Variants in TSPAN8 observed in about 807,000 individuals in gnomAD.
TSPAN8 encodes the protein tetraspanin 8.
A neutral mutation model predicts 32.8 loss-of-function variants in TSPAN8; 21 were observed. That is an observed-to-expected ratio of 0.64 (90% CI 0.45 to 0.92). The LOEUF is 0.92. Among genes scored for constraint, TSPAN8 ranks in the 40% least tolerant of loss-of-function variants. The pLI, the probability that TSPAN8 is intolerant of heterozygous loss-of-function variation, is 0.00. For synonymous variants in TSPAN8, 95 were observed against 94.6 expected (o/e 1.00, Z -0.03); for missense variants, 269 against 281.9 (o/e 0.95, Z 0.33).
rs11178638 is a variant in TSPAN8 at position 71,125,978 on chromosome 12, A to C, written c.661-591T>G. ...AAGCACAGCTGAAAATCTGGGGCAT[A>C]ATTTCCATCTCAAGTAGCTCTCCCA... On this transcript the variant is annotated intron_variant, in intron 8 of 8. Coordinates refer to ENST00000247829, the MANE Select transcript of TSPAN8 (RefSeq NM_004616.3). 2.8e-3 allele frequency among the ~76,000 whole-genome samples: 425 copies of C among 152,302 alleles called. 9 individuals are homozygous for C. In the East Asian group the frequency reaches 0.053, roughly 19 times the overall value.
At chr12:71,143,394 T>C (rs1026685024) in intron 3 of TSPAN8, among the ~76,000 whole-genome samples, 1 of 152,158 alleles carries the variant, frequency 6.6e-6, no homozygotes, top group African/African-American at 2.4e-5. Flanking sequence ...ATGGAACAGA[T>C]ACCACACGTA....
chr12:71,139,066 T>C (rs1376928265), intron 4 of TSPAN8: 2 of 455,722 alleles, frequency 4.4e-6, no homozygotes, highest in East Asian at 1.4e-4. Context: ...CAATGCTCTC[T>C]AAGAGATAAT....
intron 2 of TSPAN8, among the ~76,000 whole-genome samples, chr12:71,153,771 A>G (rs1872331897): frequency 1.3e-5 from 2 of 152,154 alleles, no homozygotes. Context: ...TGCTGCCTAT[A>G]TTTGAATTTA....
chr12:71,156,672 T>C (rs1030357450), intron 2 of TSPAN8, among the ~76,000 whole-genome samples: 8 of 152,176 alleles, frequency 5.3e-5, no homozygotes, highest in African/African-American at 1.7e-4. Context: ...TAGCAACACA[T>C]AGGTATGAGA....
intron 2 of TSPAN8, among the ~76,000 whole-genome samples, chr12:71,146,720 G>C (rs967180669): frequency 6.6e-5 from 10 of 152,096 alleles, no homozygotes; most frequent in Non-Finnish European, 1.2e-4. Context: ...CAGCTTTCAT[G>C]GAACAGCCAT....
chr12:71,149,018 G>C (rs146923595), intron 2 of TSPAN8, among the ~76,000 whole-genome samples: 1 of 152,098 alleles, frequency 6.6e-6, no homozygotes, highest in South Asian at 2.1e-4. Context: ...AGTCTTCAGG[G>C]TGGCAATATC....
Position 71,129,430 on chromosome 12 carries a change from A to G in TSPAN8, c.577-16T>C. 7.2e-7 allele frequency: 1 copy of G among 1,393,544 alleles called. No homozygotes were observed. Among genetic ancestry groups the G allele is most frequent in the Non-Finnish European group, 9.8e-7 (1 of 1,017,644 alleles). The allele number at this position is 1,393,544 out of a possible 1,614,324, so 86.3% of individuals were successfully genotyped here. ...AAATACAGGTCTGTTAAAAAAAAAA[A>G]ACATTAAAAGTTACCTCTCAGAAAA... On this transcript the variant is annotated splice_polypyrimidine_tract_variant and intron_variant, in intron 7 of 8. Coordinates refer to ENST00000247829, the MANE Select transcript of TSPAN8 (RefSeq NM_004616.3).
chr12:71,151,822 C>T (rs1441094540), intron 2 of TSPAN8, among the ~76,000 whole-genome samples: 1 of 152,224 alleles, frequency 6.6e-6, no homozygotes, highest in East Asian at 1.9e-4. Context: ...TTAGAATTCT[C>T]AGGGCATTTG....
chr12:71,154,582 A>G (rs1872366396), intron 2 of TSPAN8, among the ~76,000 whole-genome samples: 1 of 152,154 alleles, frequency 6.6e-6, no homozygotes, highest in South Asian at 2.1e-4. Flanking sequence ...AGCACTTTCC[A>G]GGATGTTTTA....
Position 71,133,842 on chromosome 12 carries a change from A to G in TSPAN8, c.445-1018T>C, listed in dbSNP as rs557179778. ...TTAGATGGGAGAAAGAAAGATAATT[A>G]TCCCTCATGTTGCTTCCATCTGCTC... On this transcript the variant is annotated intron_variant, in intron 6 of 8. Transcript: ENST00000247829. Among the ~76,000 whole-genome samples the G allele has an allele frequency of 8.5e-5, 13 of 152,280 alleles. No individual in the cohort carries two copies. In the South Asian group the frequency reaches 2.7e-3, roughly 32 times the overall value.
At chr12:71,157,825 G>A (rs1872496256) in intron 1 of TSPAN8, 38 bp from the exon 2 acceptor site, 17 of 599,134 alleles carry the variant, frequency 2.8e-5, no homozygotes, top group South Asian at 1.2e-4. Flanking sequence ...AGTAGAGGGA[G>A]GAATAAAAAG....
At chr12:71,132,589 T>C (rs1256636619) in intron 7 of TSPAN8, 104 bp downstream of exon 7, 4 of 1,319,402 alleles carry the variant, frequency 3.0e-6, no homozygotes, top group Non-Finnish European at 4.1e-6. Context: ...TTTTATATCA[T>C]GATTCCCATG....
chr12:71,149,714 G>A (rs907052609), intron 2 of TSPAN8, among the ~76,000 whole-genome samples: 17 of 152,102 alleles, frequency 1.1e-4, no homozygotes, highest in South Asian at 2.1e-4. Flanking sequence ...TGTTATCTTC[G>A]TAAGCTGAGG....
At chr12:71,141,147 C>A (rs1871891151) in intron 3 of TSPAN8, among the ~76,000 whole-genome samples, 1 of 152,184 alleles carries the variant, frequency 6.6e-6, no homozygotes, top group East Asian at 1.9e-4. Context: ...CTAGTGGGCT[C>A]CAGTTTCCCC....
intron 6 of TSPAN8, among the ~76,000 whole-genome samples, chr12:71,135,056 A>G (rs904478119): frequency 5.3e-5 from 8 of 152,148 alleles, no homozygotes; most frequent in African/African-American, 1.7e-4. Context: ...CTGAAATCCA[A>G]AGAGAAAGCC....
chr12:71,137,625 G>C (rs1871746633), intron 6 of TSPAN8, among the ~76,000 whole-genome samples: 1 of 152,010 alleles, frequency 6.6e-6, no homozygotes, highest in African/African-American at 2.4e-5. Flanking sequence ...GGGAGAGAGA[G>C]AGAAAGAGAG....
intron 2 of TSPAN8, among the ~76,000 whole-genome samples, chr12:71,155,390 A>G (rs1466787398): frequency 6.6e-6 from 1 of 152,200 alleles, no homozygotes; most frequent in Non-Finnish European, 1.5e-5. Flanking sequence ...CTTGAATTGT[A>G]TCAGGCTGCA....
chr12:71,143,492 C>T (rs956188613), intron 3 of TSPAN8, among the ~76,000 whole-genome samples: 2 of 152,050 alleles, frequency 1.3e-5, no homozygotes, highest in Admixed American at 1.3e-4. Flanking sequence ...TGGCACTGGG[C>T]ACGGAATGGT....
At chr12:71,149,840 T>C (rs879287426) in intron 2 of TSPAN8, among the ~76,000 whole-genome samples, 2 of 152,156 alleles carry the variant, frequency 1.3e-5, no homozygotes, top group Admixed American at 1.3e-4. Flanking sequence ...AAAATAACAG[T>C]GATTTTAGGG....
Sources: allele counts gnomAD v4.1 joint callset (sites outside exome capture counted in the v4.1 genomes callset), GRCh38; gene constraint gnomAD v4.1.1; transcripts MANE v1.5; gene names NCBI Gene and HGNC (gene_info 2026-07-23, HGNC 2026-07-21).